Variants in SAMD12 observed in about 807,000 individuals in gnomAD.
SAMD12 encodes sterile alpha motif domain containing 12.
A neutral mutation model predicts 15.0 loss-of-function variants in SAMD12; 9 were observed. The observed-to-expected ratio is 0.60, with a 90% CI of 0.36 to 1.05. The LOEUF (loss-of-function observed/expected upper bound fraction) is 1.05. SAMD12 is among the 50% of genes least tolerant of loss of function. The pLI, the probability that SAMD12 is intolerant of heterozygous loss-of-function variation, is 0.01. For missense variants in SAMD12, 230 were observed against 234.2 expected, an observed-to-expected ratio of 0.98 and a Z score of 0.12; for synonymous variants, 86 against 90.1, an observed-to-expected ratio of 0.96 and a Z score of 0.25.
intron 1 of SAMD12, among the ~76,000 whole-genome samples, chr8:118,620,690 T>C (rs1828376043): frequency 6.6e-6 from 1 of 152,154 alleles, no homozygotes; most frequent in Non-Finnish European, 1.5e-5. Context: ...AATTTCTTTC[T>C]CCTGGGGCAG....
chr8:118,332,612 G>C (rs1237843469), intron 4 of SAMD12, among the ~76,000 whole-genome samples: 3 of 152,254 alleles, frequency 2.0e-5, no homozygotes, highest in Non-Finnish European at 4.4e-5. Flanking sequence ...TGTGCATGCA[G>C]AGGGCATGGG....
chr8:118,547,420 A>C lies in SAMD12; in HGVS notation c.192+33295T>G, dbSNP rs956318623. ...CTGGTCCCTAGAACATACTTCTCTT[A>C]CTGTAGATAAAGTATTGGGTTGTAA... On this transcript the variant is annotated intron_variant, in intron 2 of 3. Transcript: ENST00000314727. Among the ~76,000 whole-genome samples, 8 of 152,168 alleles carry C rather than the reference A, an allele frequency of 5.3e-5. No homozygotes were observed. In the South Asian group the frequency reaches 8.3e-4, roughly 16 times the overall value.
At chr8:118,581,668 T>G (rs1485229023) in intron 1 of SAMD12, among the ~76,000 whole-genome samples, 1 of 152,224 alleles carries the variant, frequency 6.6e-6, no homozygotes, top group Non-Finnish European at 1.5e-5. Context: ...AAACGCTTAC[T>G]GAGCCCCCCT....
chr8:118,240,096 GT>G lies in SAMD12; in HGVS notation c.434-42365del, dbSNP rs1421897275. On this transcript the variant is annotated intron_variant, in intron 4 of 4. Transcript: ENST00000409003. ...TGATCCTCATTAAAATCCCTGTAGG[GT>G]ATCTTTATTTATAGATGAAACTCAG... is the stretch of plus-strand genomic sequence containing the variant. The G allele has an allele frequency of 3.3e-5, 5 of 152,208 alleles. No individual in the cohort carries two copies. The East Asian group carries it at 9.7e-4, about 29-fold the overall frequency. The allele number at this position is 152,208 out of a possible 1,614,324, so 9.4% of individuals were successfully genotyped here. A position where few individuals can be genotyped will look rare whatever the true frequency, so the allele number is the denominator to read the frequency against.
chr8:118,225,074 C>T (rs1174501599), intron 4 of SAMD12, among the ~76,000 whole-genome samples: 1 of 152,094 alleles, frequency 6.6e-6, no homozygotes, highest in Non-Finnish European at 1.5e-5. Flanking sequence ...TGACCAAAAG[C>T]TTTTGTTGCA....
At chr8:118,384,843 A>G (rs920163646) in intron 3 of SAMD12, among the ~76,000 whole-genome samples, 3 of 152,182 alleles carry the variant, frequency 2.0e-5, no homozygotes, top group Non-Finnish European at 4.4e-5. Context: ...TAAGGTAAGC[A>G]TAGGCATATC....
At chr8:118,382,784 T>A (rs1325228402) in intron 3 of SAMD12, among the ~76,000 whole-genome samples, 1 of 152,196 alleles carries the variant, frequency 6.6e-6, no homozygotes, top group African/African-American at 2.4e-5. Flanking sequence ...TTATCTTCCT[T>A]GGTAGGAAAA....
intron 2 of SAMD12, among the ~76,000 whole-genome samples, chr8:118,559,825 G>T (rs1297745558): frequency 1.3e-5 from 2 of 152,110 alleles, no homozygotes; most frequent in Admixed American, 6.5e-5. Flanking sequence ...ATCTAATGGG[G>T]TGTTGTAAAA....
At chr8:118,227,896 C>T (rs1812221558) in intron 4 of SAMD12, among the ~76,000 whole-genome samples, 1 of 152,090 alleles carries the variant, frequency 6.6e-6, no homozygotes, top group African/African-American at 2.4e-5. Flanking sequence ...ACTACAAGGC[C>T]ATTGTCACCA....
chr8:118,241,832 C>T (rs944039094), intron 4 of SAMD12, among the ~76,000 whole-genome samples: 33 of 152,202 alleles, frequency 2.2e-4, no homozygotes, highest in East Asian at 3.9e-4. Flanking sequence ...TAAGAAATTC[C>T]GCAATAAATA....
chr8:118,155,879 C>G, the SAMD12 span, among the ~76,000 whole-genome samples: 2 of 152,126 alleles, frequency 1.3e-5, no homozygotes, highest in Non-Finnish European at 2.9e-5. Context: ...TATTTTTTTG[C>G]TTTCTCATTC....
intron 1 of SAMD12, among the ~76,000 whole-genome samples, chr8:118,585,299 A>C (rs1347605420): frequency 1.3e-5 from 2 of 152,228 alleles, no homozygotes; most frequent in Non-Finnish European, 2.9e-5. Flanking sequence ...AGAAAATGGG[A>C]AGTTATTGGT....
At chr8:118,426,991 G>A (rs922132492) in intron 3 of SAMD12, among the ~76,000 whole-genome samples, 6 of 152,278 alleles carry the variant, frequency 3.9e-5, no homozygotes, top group South Asian at 2.1e-4. Context: ...AGACTCAGAC[G>A]AGCAGAATCT....
At chr8:118,364,540 G>C (rs1052525210) in intron 4 of SAMD12, among the ~76,000 whole-genome samples, 2 of 152,160 alleles carry the variant, frequency 1.3e-5, no homozygotes, top group African/African-American at 4.8e-5. Flanking sequence ...TGAGTGCTGC[G>C]TGGAGTGCTG....
At chr8:118,345,514 AGAGTGGAACCT>A (rs1817591593) in intron 4 of SAMD12, among the ~76,000 whole-genome samples, 1 of 152,248 alleles carries the variant, frequency 6.6e-6, no homozygotes, top group Non-Finnish European at 1.5e-5. Flanking sequence ...CTCAGAGGAC[AGAGTGGAACCT>A]GAGCTGGGAT....
chr8:118,501,942 GT>G (rs917080062), intron 2 of SAMD12, among the ~76,000 whole-genome samples: 3 of 151,572 alleles, frequency 2.0e-5, no homozygotes, highest in Non-Finnish European at 2.9e-5. Flanking sequence ...GCACGAACCC[GT>G]TGGGGGGCGG....
At chr8:118,315,705 C>A (rs1302022690) in intron 4 of SAMD12, among the ~76,000 whole-genome samples, 3 of 152,150 alleles carry the variant, frequency 2.0e-5, no homozygotes. Flanking sequence ...CTTCCAGAAG[C>A]CTCCCATTAG....
intron 4 of SAMD12, among the ~76,000 whole-genome samples, chr8:118,311,774 T>C (rs564578472): frequency 6.6e-6 from 1 of 152,268 alleles, no homozygotes; most frequent in Admixed American, 6.5e-5. Flanking sequence ...CTTTATTTTC[T>C]CTCCCTGGAA....
the SAMD12 span, among the ~76,000 whole-genome samples, chr8:118,137,958 T>G: frequency 6.6e-6 from 1 of 152,172 alleles, no homozygotes. Context: ...CTAACTTGTT[T>G]TTCCTTAACT....
Sources: allele counts gnomAD v4.1 joint callset (sites outside exome capture counted in the v4.1 genomes callset), GRCh38; gene constraint gnomAD v4.1.1; transcripts MANE v1.5; gene names NCBI Gene and HGNC (gene_info 2026-07-23, HGNC 2026-07-21).